Variants in ZNF75D observed in about 807,000 individuals in gnomAD.
The protein encoded by ZNF75D is zinc finger protein 75.
ZNF75D carries 33 observed loss-of-function variants against 33.3 expected under a neutral mutation model. The ratio of observed to expected loss-of-function variants is 0.99; its 90% CI spans 0.75 to 1.32. The LOEUF (loss-of-function observed/expected upper bound fraction) is 1.32. ZNF75D is among the 40% of genes most tolerant of loss of function. ZNF75D has a pLI of 0.00. For synonymous variants in ZNF75D, 113 were observed against 130.6 expected (o/e 0.87, Z 0.92); for missense variants, 338 against 367.5 (o/e 0.92, Z 0.66).
At chrX:135,279,375 CTCT>C (rs1412802561) in intron 1 of ZNF75D, among the ~76,000 whole-genome samples, 1 of 111,441 alleles carries the variant, frequency 9.0e-6, no homozygotes, top group Non-Finnish European at 1.9e-5. Flanking sequence ...TGATTTTTCT[CTCT>C]TCTTCTTTAT....
At chrX:135,305,769 T>C (rs1428773898) in intron 1 of ZNF75D, among the ~76,000 whole-genome samples, 1 of 110,690 alleles carries the variant, frequency 9.0e-6, no homozygotes, top group Non-Finnish European at 1.9e-5. Context: ...ACCCCCAGAC[T>C]CTGCAATGTT....
chrX:135,287,758 T>G lies in ZNF75D; in HGVS notation c.912A>C (p.Lys304Asn), dbSNP rs374462130. 111 of 1,210,205 alleles carry G rather than the reference T, an allele frequency of 9.2e-5. No homozygotes were observed. The highest frequency in any genetic ancestry group is 1.2e-4 in the Non-Finnish European group (110 of 895,022). ...EIQTSGCEVS[K>N]KTRMKIAQKT... ...TCTGGGCAATTTTCATTCTGGTCTT[T>G]TTTGATACTTCGCATCCTGATGTTT... The change falls in exon 7 of 7, where the codon AAA becomes AAC. Residue 304 changes from lysine to asparagine, a missense_variant. Transcript: ENST00000370766.
At chrX:135,320,513 C>A (rs1364756152) in intron 1 of ZNF75D, among the ~76,000 whole-genome samples, 3 of 111,253 alleles carry the variant, frequency 2.7e-5, no homozygotes, top group Non-Finnish European at 5.7e-5. Flanking sequence ...CTGCTTATAG[C>A]CCTTATCTGG....
intron 1 of ZNF75D, among the ~76,000 whole-genome samples, chrX:135,259,921 G>A (rs1295838879): frequency 1.8e-5 from 2 of 111,908 alleles, no homozygotes; most frequent in Non-Finnish European, 3.8e-5. Flanking sequence ...TATGATATTG[G>A]CTGTGGGTTT....
At position 135,292,418 on chromosome X, in the gene ZNF75D, G is replaced by T; in HGVS notation, c.467C>A (p.Ala156Asp). 8.3e-7 allele frequency: 1 copy of T among 1,211,391 alleles called. No homozygotes were observed. Among genetic ancestry groups the T allele is most frequent in the South Asian group, 1.8e-5 (1 of 56,963 alleles). The change falls in exon 4 of 7, where the codon GCC (alanine) becomes GAC (aspartate). Residue 156 changes from alanine to aspartate, a missense_variant. Around this residue, in one of 3 missense-constraint regions of ZNF75D, gnomAD observed 254 missense variants for 267.7 expected, o/e 0.95. Coordinates refer to ENST00000370766, the MANE Select transcript of ZNF75D (RefSeq NM_007131.5). ...TGCTGGCTTCCACTTGAAGCCTGGG[G>T]CCACTGCTGTTCCTCCCAAGAGCAC... The part of the protein sequence containing the change: ...EAVLLGGTAV[A>D]PGFKWKPAEP...
chrX:135,322,542 A>G (rs1280643028), intron 1 of ZNF75D, among the ~76,000 whole-genome samples: 3 of 112,334 alleles, frequency 2.7e-5, no homozygotes, highest in Non-Finnish European at 5.6e-5. Context: ...AGATAGGTAG[A>G]TAGACAGATA....
intron 1 of ZNF75D, among the ~76,000 whole-genome samples, chrX:135,259,195 T>C (rs1556415075): frequency 8.9e-6 from 1 of 112,035 alleles, no homozygotes; most frequent in Non-Finnish European, 1.9e-5. Context: ...TTGGGTACTG[T>C]AGCCCTGTAG....
At chrX:135,333,993 T>C (rs1239333237) in intron 1 of ZNF75D, among the ~76,000 whole-genome samples, 1 of 111,856 alleles carries the variant, frequency 8.9e-6, no homozygotes, top group Non-Finnish European at 1.9e-5. Context: ...TCCAGTTTAC[T>C]TACTTATTCA....
At chrX:135,295,547 C>G (rs1204618955) in intron 2 of ZNF75D, among the ~76,000 whole-genome samples, 1 of 112,091 alleles carries the variant, frequency 8.9e-6, no homozygotes, top group Non-Finnish European at 1.9e-5. Flanking sequence ...GCTGTAGGAG[C>G]CTGCGGCCAG....
chrX:135,331,418 G>C (rs1016630637), intron 1 of ZNF75D, among the ~76,000 whole-genome samples: 3 of 109,988 alleles, frequency 2.7e-5, no homozygotes, highest in Non-Finnish European at 1.9e-5. Context: ...TAAAGGACTG[G>C]GAAATACAGG....
chrX:135,330,106 GA>G (rs781960290), intron 1 of ZNF75D, among the ~76,000 whole-genome samples: 16 of 112,216 alleles, frequency 1.4e-4, no homozygotes, highest in Non-Finnish European at 2.3e-4. Context: ...AAACAGGGAT[GA>G]AAATTGCCTC....
chrX:135,336,586 G>T (rs1254829229), intron 1 of ZNF75D, among the ~76,000 whole-genome samples: 7 of 112,088 alleles, frequency 6.2e-5, no homozygotes, highest in Non-Finnish European at 7.5e-5. Context: ...CAAGGGCTCA[G>T]TCCCCTACCC....
At chrX:135,300,264 A>C (rs2084196859) in intron 1 of ZNF75D, among the ~76,000 whole-genome samples, 1 of 111,721 alleles carries the variant, frequency 9.0e-6, no homozygotes, top group African/African-American at 3.3e-5. Flanking sequence ...TTATACAAAG[A>C]AGCAGAAGAA....
At chrX:135,339,485 G>A (rs782171921) in intron 1 of ZNF75D, among the ~76,000 whole-genome samples, 99 of 111,948 alleles carry the variant, frequency 8.8e-4, no homozygotes, top group Non-Finnish European at 1.6e-3. Flanking sequence ...TCTTGTTGGT[G>A]TGGGGCACTG....
intron 6 of ZNF75D, among the ~76,000 whole-genome samples, chrX:135,289,692 C>T (rs1556420756): frequency 9.2e-6 from 1 of 108,220 alleles, no homozygotes; most frequent in African/African-American, 3.4e-5. Context: ...CTTCTCAAAC[C>T]AGTAAAATAC....
chrX:135,270,517 T>A (rs903356857), intron 1 of ZNF75D, among the ~76,000 whole-genome samples: 4 of 108,754 alleles, frequency 3.7e-5, no homozygotes, highest in African/African-American at 1.3e-4. Context: ...TGCCAGCACC[T>A]GGAAATGTTG....
intron 1 of ZNF75D, among the ~76,000 whole-genome samples, chrX:135,303,904 TA>T (rs1392133162): frequency 1.8e-5 from 2 of 112,624 alleles, no homozygotes; most frequent in African/African-American, 6.5e-5. Context: ...TCAACTCTTT[TA>T]AAGTTAATCC....
In ZNF75D at chrX:135,309,489, G is replaced by T. The variant is rs1425295608; in HGVS notation, c.-390-13450C>A. 1.4e-5 allele frequency: 4 copies of T among 294,987 alleles called. No individual in the cohort carries two copies. In the East Asian group the frequency reaches 1.9e-4, roughly 14 times the overall value. 24.3% of individuals were successfully genotyped at this position (294,987 alleles called of 1,213,427 possible). On this transcript the variant is annotated intron_variant, in intron 1 of 6. Transcript: ENST00000370766. Reference sequence around the variant, plus strand: ...TTGGGGCTGCTGCTTCATGGATAAAGAACTCCCTAAAGCCAGTCCCAGTGA... The same window carrying T: ...TTGGGGCTGCTGCTTCATGGATAAATAACTCCCTAAAGCCAGTCCCAGTGA...
chrX:135,266,976 A>G (rs1482315889), intron 1 of ZNF75D, among the ~76,000 whole-genome samples: 4 of 112,021 alleles, frequency 3.6e-5, no homozygotes, highest in Admixed American at 9.5e-5. Flanking sequence ...TTGAAATTAT[A>G]CCAACACATG....
Sources: gnomAD v4.1 joint callset for allele counts (sites outside exome capture counted in the v4.1 genomes callset) on GRCh38, gnomAD v4.1.1 for gene constraint, gnomAD v4.1.1 regional missense constraint, MANE v1.5 for transcripts, NCBI Gene and HGNC (gene_info 2026-07-23, HGNC 2026-07-21) for gene names.